ZNF69: variants seen among roughly 807,000 people sequenced by gnomAD.
The protein encoded by ZNF69 is zinc finger protein 69.
In ZNF69, 47 loss-of-function variants were observed where a neutral mutation model predicts 50.9. That is an observed-to-expected ratio of 0.92 (90% CI 0.73 to 1.18). The LOEUF (loss-of-function observed/expected upper bound fraction) is 1.18, where lower values mean the gene tolerates loss of function less well. ZNF69 is among the 50% of genes most tolerant of loss of function. ZNF69 has a pLI of 0.00. For synonymous variants in ZNF69, 216 were observed against 223.1 expected (o/e 0.97, Z 0.29); for missense variants, 717 against 675.1 (o/e 1.06, Z -0.69).
the ZNF69 span, among the ~76,000 whole-genome samples, chr19:11,922,793 G>T: frequency 4.6e-5 from 7 of 151,970 alleles, no homozygotes; most frequent in African/African-American, 1.7e-4. Context: ...TTTCCCCGGG[G>T]AGTCTGGTGG....
chr19:11,936,388 C>T, the ZNF69 span, among the ~76,000 whole-genome samples: 100 of 152,190 alleles, frequency 6.6e-4, no homozygotes, highest in African/African-American at 1.8e-3. Context: ...TTCTAACTGG[C>T]GTGAGATGGT....
the ZNF69 span, among the ~76,000 whole-genome samples, chr19:11,942,512 A>T: frequency 6.6e-6 from 1 of 152,124 alleles, no homozygotes; most frequent in Non-Finnish European, 1.5e-5. Context: ...TTAGAGAAGG[A>T]AGTGGCTTTA....
At chr19:11,918,996 C>G (rs534579681), downstream of ZNF69, among the ~76,000 whole-genome samples, 1 of 151,548 alleles carries the variant, frequency 6.6e-6, no homozygotes, top group South Asian at 2.1e-4. Flanking sequence ...CCCGGGTTCA[C>G]GCCATTCTCC....
the ZNF69 span, among the ~76,000 whole-genome samples, chr19:11,966,757 G>T: frequency 6.6e-6 from 1 of 152,106 alleles, no homozygotes; most frequent in Non-Finnish European, 1.5e-5. Flanking sequence ...ATGCTTGATT[G>T]GTTGCAGAGA....
the ZNF69 span, among the ~76,000 whole-genome samples, chr19:11,969,722 C>T: frequency 0.035 from 5,289 of 152,216 alleles, 331 homozygotes; most frequent in African/African-American, 0.12. Flanking sequence ...TCTTCAAGGG[C>T]TTGCAGTGAA....
the ZNF69 span, among the ~76,000 whole-genome samples, chr19:11,936,998 A>G: frequency 6.6e-6 from 1 of 152,214 alleles, no homozygotes; most frequent in East Asian, 1.9e-4. Context: ...AGATGGTTGT[A>G]TATGTGTGGT....
the ZNF69 span, among the ~76,000 whole-genome samples, chr19:11,958,502 C>T: frequency 6.6e-6 from 1 of 152,206 alleles, no homozygotes; most frequent in Non-Finnish European, 1.5e-5. Flanking sequence ...CAAAAGACAC[C>T]ATAGGTCAGA....
At chr19:11,962,065 C>T in the ZNF69 span, among the ~76,000 whole-genome samples, 14 of 152,258 alleles carry the variant, frequency 9.2e-5, no homozygotes, top group South Asian at 2.7e-3. Context: ...ATCTATCTGC[C>T]TTGGCCACCC....
intron 3 of ZNF69, 111 bp from the exon 4 acceptor site, chr19:11,904,538 G>C: frequency 1.4e-6 from 2 of 1,421,726 alleles, no homozygotes; most frequent in Non-Finnish European, 1.9e-6. Context: ...AGACAGGGCA[G>C]AAAGCCTACA....
chr19:11,905,956 C>T lies in ZNF69; in HGVS notation c.1559C>T (p.Ser520Phe). 1 of 1,613,538 alleles carries T rather than the reference C, an allele frequency of 6.2e-7. No individual in the cohort carries two copies. Among genetic ancestry groups the T allele is most frequent in the East Asian group, 2.2e-5 (1 of 44,822 alleles). Residue 520 changes from serine to phenylalanine, a missense_variant, in exon 4 of 4, where the codon TCC (serine) becomes TTC (phenylalanine). Ser to Phe is a radical substitution (Grantham distance 155). Coordinates refer to ENST00000429654, the MANE Select transcript of ZNF69 (RefSeq NM_001364730.1). ...GGTGAAGCCTTCAGTAGTTCCAGTT[C>T]CTTTCGATACCATGAAAGGACTCAC... Reference protein sequence around the residue: ...QCGEAFSSSSSFRYHERTHTG... With the variant: ...QCGEAFSSSSFFRYHERTHTG...
chr19:11,912,434 A>G (rs979764395), intron 4 of ZNF69, among the ~76,000 whole-genome samples: 1 of 152,168 alleles, frequency 6.6e-6, no homozygotes, highest in East Asian at 1.9e-4. Context: ...AGACATTGGA[A>G]GGAAACCCTA....
the ZNF69 span, among the ~76,000 whole-genome samples, chr19:11,933,198 G>A: frequency 6.8e-6 from 1 of 146,434 alleles, no homozygotes; most frequent in Non-Finnish European, 1.5e-5. Flanking sequence ...TGGGAGGATA[G>A]CTTGGACTCA....
the ZNF69 span, among the ~76,000 whole-genome samples, chr19:11,921,106 T>C: frequency 3.9e-5 from 6 of 152,184 alleles, no homozygotes; most frequent in African/African-American, 1.4e-4. Flanking sequence ...GTCTCAAACA[T>C]TGGACTCAGT....
At chr19:11,946,137 T>G in the ZNF69 span, among the ~76,000 whole-genome samples, 1 of 152,128 alleles carries the variant, frequency 6.6e-6, no homozygotes, top group Non-Finnish European at 1.5e-5. Flanking sequence ...ACAAGGCCCT[T>G]TCATCCTTGC....
the ZNF69 span, among the ~76,000 whole-genome samples, chr19:11,941,358 C>T: frequency 1.3e-5 from 2 of 152,306 alleles, no homozygotes; most frequent in South Asian, 2.1e-4. Context: ...CGGCGCTCAT[C>T]GGGGAGGCTC....
At chr19:11,939,352 GT>G in the ZNF69 span, among the ~76,000 whole-genome samples, 2 of 152,214 alleles carry the variant, frequency 1.3e-5, no homozygotes, top group South Asian at 4.1e-4. Flanking sequence ...GGTTTTTATG[GT>G]TTTAGGTCTA....
At chr19:11,946,918 T>C in the ZNF69 span, 1 of 536,540 alleles carries the variant, frequency 1.9e-6, no homozygotes, top group Non-Finnish European at 2.8e-6. Flanking sequence ...GAGAATCGCT[T>C]GAACCCCGGT....
chr19:11,978,171 AC>A, the ZNF69 span: 4 of 1,613,732 alleles, frequency 2.5e-6, no homozygotes, highest in East Asian at 2.2e-5. Flanking sequence ...TTGTGGAGAA[AC>A]TTTTACCCAG....
downstream of ZNF69, among the ~76,000 whole-genome samples, chr19:11,915,944 GC>G (rs1471620971): frequency 6.6e-6 from 1 of 152,030 alleles, no homozygotes; most frequent in Non-Finnish European, 1.5e-5. Flanking sequence ...TTCCCCTGAT[GC>G]CCCCACTGCA....
Sources: allele counts gnomAD v4.1 joint callset (sites outside exome capture counted in the v4.1 genomes callset), GRCh38; gene constraint gnomAD v4.1.1; transcripts MANE v1.5; gene names NCBI Gene and HGNC (gene_info 2026-07-23, HGNC 2026-07-21).